The following HEMGN variants were observed in gnomAD, a reference collection of about 807,000 sequenced individuals.
HEMGN encodes the protein hemogen.
A neutral mutation model predicts 45.7 loss-of-function variants in HEMGN; 32 were observed. The ratio of observed to expected loss-of-function variants is 0.70; its 90% CI spans 0.53 to 0.94. The LOEUF is 0.94. HEMGN is among the 40% of genes least tolerant of loss of function. The pLI, the probability that HEMGN is intolerant of heterozygous loss-of-function variation, is 0.00. For synonymous variants in HEMGN, 183 were observed against 178.6 expected (o/e 1.02, Z -0.20); for missense variants, 530 against 564.2 (o/e 0.94, Z 0.61).
Position 97,930,943 on chromosome 9 carries a change from T to G in HEMGN, c.452A>C (p.Gln151Pro). ...NIYQENFSEY[Q>P]EIAVQNHSSE... ...AGAATGGTTTTGTACTGCTATTTCT[T>G]GGTACTCAGAAAAATTCTCCTGATA... The change falls in exon 3 of 4, where the codon CAA becomes CCA. Residue 151 changes from glutamine to proline, a missense_variant. Transcript: ENST00000616898. 1.2e-6 allele frequency: 2 copies of G among 1,614,188 alleles called. No homozygotes were observed.
At chr9:97,941,476 A>G (rs1405624082), upstream of HEMGN, among the ~76,000 whole-genome samples, 1 of 152,232 alleles carries the variant, frequency 6.6e-6, no homozygotes, top group Non-Finnish European at 1.5e-5. Flanking sequence ...ACAGGGGCAG[A>G]GGAAGCAAGA....
intron 3 of HEMGN, among the ~76,000 whole-genome samples, chr9:97,928,315 C>T (rs1324593131): frequency 6.6e-6 from 1 of 152,128 alleles, no homozygotes; most frequent in Non-Finnish European, 1.5e-5. Flanking sequence ...CGTGAGCCAC[C>T]GCGCCCGGCC....
upstream of HEMGN, among the ~76,000 whole-genome samples, chr9:97,942,109 A>C (rs142388121): frequency 1.4e-4 from 21 of 152,280 alleles, no homozygotes; most frequent in African/African-American, 4.3e-4. Flanking sequence ...CAAGTGTTTC[A>C]TTGGATCCTT....
At chr9:97,938,313 C>G (rs569518614), upstream of HEMGN, 1 of 602,164 alleles carries the variant, frequency 1.7e-6, no homozygotes, top group African/African-American at 1.9e-5. Flanking sequence ...CAGGCTAATT[C>G]TACTATCTTT....
chr9:97,944,583 G>C (rs1017991380), intron 1 of HEMGN, among the ~76,000 whole-genome samples: 3 of 152,160 alleles, frequency 2.0e-5, no homozygotes, highest in Admixed American at 6.5e-5. Context: ...CAAACATCCA[G>C]AATATTCCTG....
Position 97,930,032 on chromosome 9 carries a change from T to C in HEMGN, c.1360+3A>G. The C allele has an allele frequency of 1.9e-6, 3 of 1,611,426 alleles. No homozygotes were observed. The highest frequency in any genetic ancestry group is 1.7e-6 in the Non-Finnish European group (2 of 1,178,536). On this transcript the variant is annotated splice_donor_region_variant and intron_variant, in intron 3 of 3. Coordinates refer to ENST00000616898, the MANE Select transcript of HEMGN (RefSeq NM_197978.3). ...CTACCTTGGTGCTATAAACAGCCCT[T>C]ACCTTGAGGAAAAGTATAAGCATCT...
chr9:97,936,384 G>T, intron 1 of HEMGN, 120 bp from the exon 2 acceptor site: 1 of 686,324 alleles, frequency 1.5e-6, no homozygotes, highest in Non-Finnish European at 2.6e-6. Flanking sequence ...TTGAGGACAA[G>T]GACTGCATCT....
At chr9:97,938,271 C>T, upstream of HEMGN, 4 of 642,606 alleles carry the variant, frequency 6.2e-6, no homozygotes, top group South Asian at 5.6e-5. Context: ...TGACTTCCCG[C>T]CTAAAAGTTT....
chr9:97,943,504 T>G (rs562070437), intron 1 of HEMGN, among the ~76,000 whole-genome samples: 1 of 152,218 alleles, frequency 6.6e-6, no homozygotes, highest in African/African-American at 2.4e-5. Context: ...CACATATAGA[T>G]AACATGTTCT....
upstream of HEMGN, among the ~76,000 whole-genome samples, chr9:97,941,807 C>T (rs187619455): frequency 6.6e-5 from 10 of 152,022 alleles, no homozygotes; most frequent in African/African-American, 7.2e-5. Flanking sequence ...GTCTCGGAAG[C>T]CAAGAGGAAA....
chr9:97,931,553 T>G (rs1420530570), intron 2 of HEMGN, among the ~76,000 whole-genome samples: 2 of 152,266 alleles, frequency 1.3e-5, no homozygotes, highest in Non-Finnish European at 1.5e-5. Flanking sequence ...TAAATAATTC[T>G]CATTACAAAT....
upstream of HEMGN, among the ~76,000 whole-genome samples, chr9:97,942,143 T>A (rs1002651489): frequency 6.6e-6 from 1 of 152,162 alleles, no homozygotes; most frequent in Non-Finnish European, 1.5e-5. Context: ...AACATAGCTA[T>A]TATTGTCCTC....
At chr9:97,936,786 A>G (rs1165306616) in intron 1 of HEMGN, among the ~76,000 whole-genome samples, 1 of 152,180 alleles carries the variant, frequency 6.6e-6, no homozygotes, top group East Asian at 1.9e-4. Flanking sequence ...CATTTACCCA[A>G]TCATTCCTCT....
chr9:97,937,872 C>G (rs1459093888), intron 1 of HEMGN, among the ~76,000 whole-genome samples, 186 bp downstream of exon 1: 3 of 152,018 alleles, frequency 2.0e-5, no homozygotes, highest in African/African-American at 7.2e-5. Flanking sequence ...ATTTGTGCTG[C>G]CATAGAAATG....
In HEMGN at chr9:97,927,469, T is replaced by C; in HGVS notation, c.1370A>G (p.Glu457Gly). ...TATTCCTGGCTCTTCTTTGGGTTTT[T>C]CTTTCATTTCTGTAAAATCAAATAA... is the stretch of plus-strand genomic sequence containing the variant. ...DAYTFPQEMK[E>G]KPKEEPGIPA... Residue 457 changes from glutamate (E) to glycine (G), a missense_variant, in exon 4 of 4, where the codon GAA becomes GGA. Transcript: ENST00000616898. 6.3e-7 allele frequency: 1 copy of C among 1,595,688 alleles called. No homozygotes were observed. Among genetic ancestry groups the C allele is most frequent in the Non-Finnish European group, 8.6e-7 (1 of 1,165,020 alleles).
chr9:97,936,357 G>A (rs1298647902), intron 1 of HEMGN, 93 bp from the exon 2 acceptor site: 2 of 817,328 alleles, frequency 2.4e-6, no homozygotes, highest in Admixed American at 3.9e-5. Context: ...TCTGTTCTAG[G>A]TTTTTCTCCT....
chr9:97,944,094 T>C (rs1056916817), intron 1 of HEMGN, among the ~76,000 whole-genome samples: 2 of 152,194 alleles, frequency 1.3e-5, no homozygotes, highest in Admixed American at 6.5e-5. Context: ...TTAATACTCT[T>C]ACCCAAAGAC....
chr9:97,937,420 T>A (rs1346097216), intron 1 of HEMGN, among the ~76,000 whole-genome samples: 2 of 152,134 alleles, frequency 1.3e-5, no homozygotes, highest in East Asian at 1.9e-4. Flanking sequence ...CATATTTTTT[T>A]ATCACATTAT....
At position 97,935,192 on chromosome 9, in the gene HEMGN, A is replaced by G. The variant is rs143946178; in HGVS notation, c.173+979T>C. 7.2e-5 allele frequency among the ~76,000 whole-genome samples: 11 copies of G among 152,300 alleles called. No homozygotes were observed. The East Asian group carries it at 1.7e-3, about 24-fold the overall frequency. On this transcript the variant is annotated intron_variant, in intron 2 of 3. Coordinates refer to ENST00000616898, the MANE Select transcript of HEMGN (RefSeq NM_197978.3). ...CATCATTCTCCTATTTATCAATCGT[A>G]TGTGAACTTGGTGTTATAGAAACAT...
Sources: allele counts gnomAD v4.1 joint callset (sites outside exome capture counted in the v4.1 genomes callset), GRCh38; gene constraint gnomAD v4.1.1; transcripts MANE v1.5; gene names NCBI Gene and HGNC (gene_info 2026-07-23, HGNC 2026-07-21).